DENND2B: variants seen among roughly 807,000 people sequenced by gnomAD.
DENND2B encodes DENN domain containing 2B.
In DENND2B, 32 loss-of-function variants were observed where a neutral mutation model predicts 116.0. That is an observed-to-expected ratio of 0.28 (90% CI 0.21 to 0.37). DENND2B has a LOEUF of 0.37. Among genes scored for constraint, DENND2B ranks in the 10% least tolerant of loss-of-function variants. The probability of loss-of-function intolerance (pLI) is 1.00; values close to 1 mark genes in which losing one functional copy is unlikely to be tolerated. For synonymous variants in DENND2B, 588 were observed against 583.9 expected (o/e 1.01, Z -0.10); for missense variants, 1,276 against 1,477.7 (o/e 0.86, Z 2.24).
chr11:8,718,223 C>T, intron 4 of DENND2B: 2 of 889,164 alleles, frequency 2.2e-6, no homozygotes, highest in Non-Finnish European at 1.8e-6. Flanking sequence ...ACAAAGCCAG[C>T]AACAAGAGTC....
chr11:8,893,653 T>A (rs2064061474), intron 1 of DENND2B, among the ~76,000 whole-genome samples: 1 of 152,022 alleles, frequency 6.6e-6, no homozygotes, highest in Non-Finnish European at 1.5e-5. Context: ...CACAACTGCT[T>A]CAAAGAGAAT....
At chr11:8,713,853 C>CTGG (rs2044230654) in intron 8 of DENND2B, 145 bp downstream of exon 8, 1 of 824,090 alleles carries the variant, frequency 1.2e-6, no homozygotes, top group Non-Finnish European at 2.0e-6. Flanking sequence ...GCTCCCTGCT[C>CTGG]TATTGTTCTG....
chr11:8,803,508 A>G (rs2060538410), intron 1 of DENND2B, among the ~76,000 whole-genome samples: 1 of 152,238 alleles, frequency 6.6e-6, no homozygotes, highest in East Asian at 1.9e-4. Context: ...CAAATTAGAG[A>G]CAGAACCAGA....
At chr11:8,896,983 A>G (rs945574266) in intron 1 of DENND2B, among the ~76,000 whole-genome samples, 2 of 152,238 alleles carry the variant, frequency 1.3e-5, no homozygotes, top group African/African-American at 4.8e-5. Flanking sequence ...CATGCCTTGT[A>G]ATCCCAGCAC....
At chr11:8,695,917 A>T (rs1209612988) in intron 18 of DENND2B, 6 of 297,326 alleles carry the variant, frequency 2.0e-5, no homozygotes, top group East Asian at 7.5e-5. Flanking sequence ...AGGACAGAAG[A>T]AGTACTAACC....
intron 1 of DENND2B, among the ~76,000 whole-genome samples, chr11:8,771,098 T>A (rs1370270186): frequency 1.3e-5 from 2 of 152,166 alleles, no homozygotes; most frequent in Non-Finnish European, 2.9e-5. Context: ...CTAAGCCCCA[T>A]ACTAGAGGCT....
intron 1 of DENND2B, among the ~76,000 whole-genome samples, chr11:8,764,753 T>C (rs1301587633): frequency 6.6e-6 from 1 of 152,120 alleles, no homozygotes; most frequent in Non-Finnish European, 1.5e-5. Flanking sequence ...AAGACCAGCC[T>C]GACCAACATG....
chr11:8,852,776 A>G (rs1224669749), intron 3 of DENND2B, among the ~76,000 whole-genome samples: 2 of 152,240 alleles, frequency 1.3e-5, no homozygotes, highest in African/African-American at 2.4e-5. Flanking sequence ...TCAGCAGCCT[A>G]GAAGACTGAA....
At chr11:8,893,994 A>G (rs1440008326) in intron 1 of DENND2B, among the ~76,000 whole-genome samples, 3 of 152,172 alleles carry the variant, frequency 2.0e-5, no homozygotes, top group Non-Finnish European at 2.9e-5. Flanking sequence ...CTGACTTCAA[A>G]CTATACTACA....
intron 1 of DENND2B, among the ~76,000 whole-genome samples, chr11:8,892,290 G>A (rs1337545918): frequency 6.6e-6 from 1 of 152,158 alleles, no homozygotes; most frequent in East Asian, 1.9e-4. Context: ...GAGAAAGCAG[G>A]AAAGATCTAA....
In DENND2B at chr11:8,702,950, G is replaced by A; in HGVS notation, c.2572-230C>T. ...GCAAGAGGGCTGCCTGTGAAAGCGG[G>A]GAAGGCTCCAGAAGGAAGGAGTTGA... On this transcript the variant is annotated intron_variant, in intron 13 of 19. Coordinates refer to ENST00000313726, the MANE Select transcript of DENND2B (RefSeq NM_213618.2). The surrounding 1 kb of genome is among the most constrained non-coding windows in gnomAD (Gnocchi z 4.6). 1 of 553,560 alleles carries A rather than the reference G, an allele frequency of 1.8e-6. No individual in the cohort carries two copies. The highest frequency in any genetic ancestry group is 2.4e-5 in the South Asian group (1 of 41,452). The allele number at this position is 553,560 out of a possible 1,614,324, so 34.3% of individuals were successfully genotyped here. A position where few individuals can be genotyped will look rare whatever the true frequency, so the allele number is the denominator to read the frequency against.
At chr11:8,891,422 G>T (rs190788332) in intron 1 of DENND2B, among the ~76,000 whole-genome samples, 1 of 152,116 alleles carries the variant, frequency 6.6e-6, no homozygotes, top group African/African-American at 2.4e-5. Context: ...GGCTAAATGT[G>T]CCAATTAAAA....
chr11:8,782,158 T>C (rs1299600018), intron 1 of DENND2B, among the ~76,000 whole-genome samples: 2 of 152,334 alleles, frequency 1.3e-5, no homozygotes, highest in South Asian at 2.1e-4. Flanking sequence ...CACTGCCATA[T>C]AATGGTGCAT....
chr11:8,720,230 A>G (rs2045919836), intron 4 of DENND2B, among the ~76,000 whole-genome samples: 1 of 152,108 alleles, frequency 6.6e-6, no homozygotes, highest in Non-Finnish European at 1.5e-5. Context: ...CATGAGTCCC[A>G]AGACTAGCCC....
intron 2 of DENND2B, among the ~76,000 whole-genome samples, chr11:8,742,196 A>G (rs1014478468): frequency 6.6e-6 from 1 of 152,210 alleles, no homozygotes; most frequent in Non-Finnish European, 1.5e-5. Flanking sequence ...CACTGCGCCC[A>G]GCCAGCCTTG....
At chr11:8,713,885 T>C in intron 8 of DENND2B, 113 bp downstream of exon 8, 2 of 1,151,184 alleles carry the variant, frequency 1.7e-6, no homozygotes, top group Non-Finnish European at 2.6e-6. Context: ...GTCTGTCACC[T>C]CTCCACATCA....
intron 2 of DENND2B, among the ~76,000 whole-genome samples, chr11:8,746,583 C>A (rs1485925211): frequency 6.6e-6 from 1 of 152,130 alleles, no homozygotes; most frequent in Non-Finnish European, 1.5e-5. Context: ...TGAGTGAATG[C>A]AGAGGAGGGA....
At chr11:8,892,617 AC>A (rs2064048266) in intron 1 of DENND2B, among the ~76,000 whole-genome samples, 1 of 152,196 alleles carries the variant, frequency 6.6e-6, no homozygotes, top group Admixed American at 6.5e-5. Flanking sequence ...TACTATAAAC[AC>A]CTCTACGCAA....
intron 1 of DENND2B, chr11:8,809,618 C>T (rs996726940): frequency 6.6e-6 from 1 of 152,332 alleles, no homozygotes; most frequent in African/African-American, 2.4e-5. Context: ...CACAGCTCAC[C>T]ATGTACCACT....
Sources: gnomAD v4.1 joint callset for allele counts (sites outside exome capture counted in the v4.1 genomes callset) on GRCh38, gnomAD v4.1.1 for gene constraint, Gnocchi (gnomAD v3.1) non-coding constraint, MANE v1.5 for transcripts, NCBI Gene and HGNC (gene_info 2026-07-23, HGNC 2026-07-21) for gene names.